The following KLHL1 variants were observed in gnomAD, a reference collection of about 807,000 sequenced individuals.
KLHL1 encodes kelch-like protein 1.
A neutral mutation model predicts 77.7 loss-of-function variants in KLHL1; 47 were observed. The observed-to-expected ratio is 0.60, with a 90% CI of 0.48 to 0.77. The LOEUF (loss-of-function observed/expected upper bound fraction) is 0.77, where lower values mean the gene tolerates loss of function less well. KLHL1 is among the 30% of genes least tolerant of loss of function. The pLI, the probability that KLHL1 is intolerant of heterozygous loss-of-function variation, is 0.00. For missense variants in KLHL1, 925 were observed against 910.8 expected, an observed-to-expected ratio of 1.02 and a Z score of -0.20; for synonymous variants, 360 against 325.2, an observed-to-expected ratio of 1.11 and a Z score of -1.15.
intron 1 of KLHL1, 116 bp downstream of exon 1, chr13:70,107,087 C>T (rs889976371): frequency 5.5e-6 from 8 of 1,466,256 alleles, no homozygotes; most frequent in Non-Finnish European, 7.3e-6. Flanking sequence ...AGGGTGGCAT[C>T]TCTTAACCCA....
At chr13:70,056,823 A>G (rs1886755166) in intron 1 of KLHL1, among the ~76,000 whole-genome samples, 1 of 152,136 alleles carries the variant, frequency 6.6e-6, no homozygotes. Context: ...TAACAAAGCC[A>G]GTCCAAAGAG....
chr13:70,068,441 G>C (rs934002663), intron 1 of KLHL1, among the ~76,000 whole-genome samples: 7 of 152,328 alleles, frequency 4.6e-5, no homozygotes, highest in African/African-American at 1.2e-4. Context: ...ATTAGGACCT[G>C]TATACAATTT....
intron 3 of KLHL1, among the ~76,000 whole-genome samples, chr13:69,953,668 A>G (rs1883781912): frequency 6.6e-6 from 1 of 151,246 alleles, no homozygotes; most frequent in Non-Finnish European, 1.5e-5. Flanking sequence ...AGGTAGCAAA[A>G]TTACAAGCTA....
rs17796136 is a variant in KLHL1 at position 69,822,659 on chromosome 13, C to A, written c.1414+16317G>T. Among the ~76,000 whole-genome samples, 5 of 151,984 alleles carry A rather than the reference C, an allele frequency of 3.3e-5. No homozygotes were observed. In the South Asian group the frequency reaches 8.3e-4, roughly 25 times the overall value. On this transcript the variant is annotated intron_variant, in intron 6 of 10. Transcript: ENST00000377844. ...TTACAAAAATATTACAAGTTATGTGCAACAAAAATACCTCAAATTACAACC... is the reference window on the plus strand; with the variant it reads ...TTACAAAAATATTACAAGTTATGTGAAACAAAAATACCTCAAATTACAACC...
chr13:69,817,024 T>C (rs1878148855), intron 6 of KLHL1, among the ~76,000 whole-genome samples: 1 of 151,788 alleles, frequency 6.6e-6, no homozygotes, highest in Admixed American at 6.6e-5. Flanking sequence ...AAATGAACAC[T>C]CAAACATTAT....
intron 6 of KLHL1, among the ~76,000 whole-genome samples, chr13:69,800,580 A>G (rs1441196390): frequency 6.6e-6 from 1 of 152,218 alleles, no homozygotes; most frequent in Non-Finnish European, 1.5e-5. Context: ...TTTAAGAATA[A>G]TAAAATTAAG....
chr13:69,929,172 A>T (rs1882912411), intron 4 of KLHL1, among the ~76,000 whole-genome samples: 1 of 152,052 alleles, frequency 6.6e-6, no homozygotes, highest in African/African-American at 2.4e-5. Context: ...GGCGATCTTA[A>T]ACAAACTTCA....
chr13:69,958,461 A>G (rs1883961361), intron 3 of KLHL1, among the ~76,000 whole-genome samples: 1 of 146,238 alleles, frequency 6.8e-6, no homozygotes, highest in South Asian at 2.2e-4. Context: ...ATTATAAACT[A>G]TAATCATTGA....
At chr13:69,886,450 G>A (rs149071106) in intron 4 of KLHL1, among the ~76,000 whole-genome samples, 1,595 of 150,874 alleles carry the variant, frequency 0.011, 9 homozygotes, top group Non-Finnish European at 0.016. Context: ...TTTCTTCTGT[G>A]CATTAATTAA....
intron 6 of KLHL1, among the ~76,000 whole-genome samples, chr13:69,805,279 A>C (rs977506225): frequency 1.3e-5 from 2 of 152,000 alleles, no homozygotes; most frequent in African/African-American, 4.8e-5. Context: ...TAAGTTTACC[A>C]TTAAACTTAA....
chr13:69,803,602 G>A (rs1014007548), intron 6 of KLHL1, among the ~76,000 whole-genome samples: 5 of 152,148 alleles, frequency 3.3e-5, no homozygotes, highest in Admixed American at 1.3e-4. Flanking sequence ...ATAATATCTC[G>A]CTGGCCTTGA....
intron 9 of KLHL1, among the ~76,000 whole-genome samples, chr13:69,710,972 T>C (rs1198005002): frequency 6.6e-6 from 1 of 152,034 alleles, no homozygotes; most frequent in Non-Finnish European, 1.5e-5. Flanking sequence ...TGCCAGTATA[T>C]AGCGGTTAAA....
At chr13:70,084,283 T>C (rs1005841101) in intron 1 of KLHL1, among the ~76,000 whole-genome samples, 1 of 152,138 alleles carries the variant, frequency 6.6e-6, no homozygotes. Context: ...AAGTACTTTA[T>C]AACTATACCC....
intron 4 of KLHL1, among the ~76,000 whole-genome samples, chr13:69,917,727 G>C (rs1351952073): frequency 2.0e-5 from 3 of 151,956 alleles, no homozygotes; most frequent in Non-Finnish European, 2.9e-5. Flanking sequence ...TCCATATATA[G>C]GTCTTTGCAA....
At chr13:69,951,334 T>C (rs1037680288) in intron 3 of KLHL1, among the ~76,000 whole-genome samples, 2 of 151,460 alleles carry the variant, frequency 1.3e-5, no homozygotes, top group African/African-American at 4.8e-5. Context: ...CTTTATATTC[T>C]ACATCATCAG....
intron 1 of KLHL1, among the ~76,000 whole-genome samples, chr13:70,098,051 T>C (rs571245076): frequency 6.6e-6 from 1 of 152,024 alleles, no homozygotes; most frequent in South Asian, 2.1e-4. Flanking sequence ...TAAAGCTCTG[T>C]CTAATGGAGG....
chr13:69,945,142 C>T (rs1429455000), intron 3 of KLHL1, among the ~76,000 whole-genome samples: 3 of 151,494 alleles, frequency 2.0e-5, no homozygotes, highest in Admixed American at 6.6e-5. Flanking sequence ...CCCGCCACCA[C>T]GCCCAGCTAA....
intron 1 of KLHL1, among the ~76,000 whole-genome samples, chr13:70,095,956 T>G (rs547760385): frequency 2.3e-3 from 353 of 152,252 alleles, no homozygotes; most frequent in African/African-American, 7.5e-3. Flanking sequence ...TTTGTCTTTC[T>G]GTGTCTGGCT....
At chr13:70,097,847 G>T (rs1466315413) in intron 1 of KLHL1, among the ~76,000 whole-genome samples, 1 of 149,772 alleles carries the variant, frequency 6.7e-6, no homozygotes, top group Non-Finnish European at 1.5e-5. Context: ...AACATTCAGA[G>T]AATTAGTTTA....
Sources: allele counts gnomAD v4.1 joint callset (sites outside exome capture counted in the v4.1 genomes callset), GRCh38; gene constraint gnomAD v4.1.1; transcripts MANE v1.5; gene names NCBI Gene and HGNC (gene_info 2026-07-23, HGNC 2026-07-21).